Variants in ATP2A1 observed in about 807,000 individuals in gnomAD.
ATP2A1 encodes the protein sarcoplasmic/endoplasmic reticulum calcium ATPase 1.
ATP2A1 carries 83 observed loss-of-function variants against 109.5 expected under a neutral mutation model. That is an observed-to-expected ratio of 0.76 (90% CI 0.63 to 0.91). The LOEUF (loss-of-function observed/expected upper bound fraction) is 0.91. Ranked by LOEUF, ATP2A1 falls within the 40% of genes least tolerant of loss-of-function variation. The pLI is 0.00. For missense variants in ATP2A1, 1,101 were observed against 1,341.0 expected (o/e 0.82, Z 2.80); for synonymous variants, 505 against 537.6 (o/e 0.94, Z 0.84).
intron 12 of ATP2A1, among the ~76,000 whole-genome samples, chr16:28,895,671 A>C (rs1312885445): frequency 6.6e-6 from 1 of 151,296 alleles, no homozygotes; most frequent in Non-Finnish European, 1.5e-5. Context: ...TACAAAAAAA[A>C]ACGAAAACAA....
chr16:28,904,041 G>GA lies in ATP2A1; in HGVS notation c.*38-138dup. On this transcript the variant is annotated intron_variant, in intron 22 of 22. Coordinates refer to ENST00000395503, the MANE Select transcript of ATP2A1 (RefSeq NM_004320.6). ...AGTGGGGGGGGGCGGGGTGTCTGGG[G>GA]ACGCAGGTGAGTAGGGGAGAAACTG... 4 of 841,016 alleles carry GA rather than the reference G, an allele frequency of 4.8e-6. No individual in the cohort carries two copies. The Admixed American group carries it at 7.0e-5, about 15-fold the overall frequency. The allele number at this position is 841,016 out of a possible 1,614,324, so 52.1% of individuals were successfully genotyped here.
In ATP2A1 at chr16:28,880,064, G is replaced by A. The variant is rs1206231862; in HGVS notation, c.219+481G>A. On this transcript the variant is annotated intron_variant, in intron 3 of 22. Transcript: ENST00000395503. This position sits in a 1 kb window ranked among gnomAD's most constrained non-coding sequence, Gnocchi z 4.2. ...CCTAGTGGCGGGAAAGCGCGGCGGT[G>A]TGATGATGACTCCAAGGAGCCCGGC... is the stretch of plus-strand genomic sequence containing the variant. 1.0e-6 allele frequency: 1 copy of A among 1,004,748 alleles called. No individual in the cohort carries two copies. Among genetic ancestry groups the A allele is most frequent in the African/African-American group, 1.7e-5 (1 of 57,340 alleles). The allele number at this position is 1,004,748 out of a possible 1,614,324, so 62.2% of individuals were successfully genotyped here.
In ATP2A1 at chr16:28,888,219, G is replaced by A. The variant is rs575192895; in HGVS notation, c.928+497G>A. Among the ~76,000 whole-genome samples, 66 of 152,056 alleles carry A rather than the reference G, an allele frequency of 4.3e-4. No homozygotes were observed. The South Asian group carries it at 4.4e-3, about 10-fold the overall frequency. On this transcript the variant is annotated intron_variant, in intron 8 of 22. Coordinates refer to ENST00000395503, the MANE Select transcript of ATP2A1 (RefSeq NM_004320.6). ...GGCTAATTTTTGTGTTTTCAGTAGA[G>A]ATGGGGTTTCACCATGTTGGCCAGG...
chr16:28,886,992 C>CAA (rs559496019), intron 6 of ATP2A1, among the ~76,000 whole-genome samples, 197 bp from the exon 7 acceptor site: 104 of 74,358 alleles, frequency 1.4e-3, no homozygotes, highest in South Asian at 2.0e-3. Context: ...AACTCTGTCT[C>CAA]AAAAAAAAAA....
At position 28,885,028 on chromosome 16, in the gene ATP2A1, C is replaced by T. The variant is rs558105501; in HGVS notation, c.544+373C>T. Reference sequence around the variant, plus strand: ...CCGAGGTGGGTGGATCACCTGAGGTCAGGAGTTAGAGACCAGCCTGGCCAA... The same window carrying T: ...CCGAGGTGGGTGGATCACCTGAGGTTAGGAGTTAGAGACCAGCCTGGCCAA... On this transcript the variant is annotated intron_variant, in intron 6 of 22. Coordinates refer to ENST00000395503, the MANE Select transcript of ATP2A1 (RefSeq NM_004320.6). Among the ~76,000 whole-genome samples the T allele has an allele frequency of 3.6e-3, 542 of 152,176 alleles. 11 individuals carry two copies. Among genetic ancestry groups the T allele is most frequent in the Non-Finnish European group, 8.7e-4 (59 of 68,014 alleles).
intron 2 of ATP2A1, 23 bp downstream of exon 2, chr16:28,879,139 C>T (rs367969170): frequency 1.2e-6 from 2 of 1,613,658 alleles, no homozygotes; most frequent in African/African-American, 2.7e-5. Flanking sequence ...AATCCCTGAA[C>T]TCTCATAAAT....
In ATP2A1 at chr16:28,904,422, G is replaced by T. The variant is rs1180402817; in HGVS notation, c.*280G>T. Reference sequence around the variant, plus strand: ...GCTTGCAGGGACAAGGCGACCGACTGCGCTGAGCTGCTTATTTATTGAAAA... The same window carrying T: ...GCTTGCAGGGACAAGGCGACCGACTTCGCTGAGCTGCTTATTTATTGAAAA... On this transcript the variant is annotated 3_prime_UTR_variant, in exon 23 of 23. Transcript: ENST00000395503. 2.6e-6 allele frequency: 4 copies of T among 1,533,240 alleles called. No individual in the cohort carries two copies. Among genetic ancestry groups the T allele is most frequent in the East Asian group, 2.4e-5 (1 of 40,906 alleles). The allele number at this position is 1,533,240 out of a possible 1,614,324, so 95.0% of individuals were successfully genotyped here.
chr16:28,891,886 TAATAA>T (rs749145527), intron 9 of ATP2A1, among the ~76,000 whole-genome samples: 132 of 149,924 alleles, frequency 8.8e-4, no homozygotes, highest in Non-Finnish European at 1.8e-3. Flanking sequence ...AAAATAATAA[TAATAA>T]AATAAAACAA....
At chr16:28,889,586 CCT>C (rs1200073405) in intron 9 of ATP2A1, among the ~76,000 whole-genome samples, 1 of 152,078 alleles carries the variant, frequency 6.6e-6, no homozygotes, top group Non-Finnish European at 1.5e-5. Flanking sequence ...GAGGAAAAAG[CCT>C]CTGAGAGATT....
At chr16:28,879,813 C>A in intron 3 of ATP2A1, 1 of 650,210 alleles carries the variant, frequency 1.5e-6, no homozygotes, top group Middle Eastern at 4.3e-4. Flanking sequence ...GCCAAAACAC[C>A]GAAGCTAAGC....
chr16:28,894,232 A>G lies in ATP2A1; in HGVS notation c.1173A>G (p.Pro391=). The G allele has an allele frequency of 6.2e-7, 1 of 1,613,854 alleles. No individual in the cohort carries two copies. ...CCATCACCGGCTCCACTTACGCTCC[A>G]GAGGGAGAGGTGTAAGTCACCCAGG... ...EFSITGSTYA[P]EGEVLKNDKP... is the part of the protein sequence containing the mutation. The change falls in exon 10 of 23, where the codon CCA becomes CCG. Residue 391 remains proline, a synonymous_variant. Transcript: ENST00000395503.
In ATP2A1 at chr16:28,902,580, G is replaced by T. The variant is rs1567491984; in HGVS notation, c.2525G>T (p.Gly842Val). The T allele has an allele frequency of 5.6e-6, 9 of 1,614,014 alleles. No homozygotes were observed. Among genetic ancestry groups the T allele is most frequent in the Non-Finnish European group, 5.9e-6 (7 of 1,179,954 alleles). ...CCCGACTCCCCTCTCTCCACCACAG[G>T]CTATGTGGGTGCAGCCACCGTGGGA... is the stretch of plus-strand genomic sequence containing the variant. ...WLFFRYMAIG[G>V]YVGAATVGAA... The change falls in exon 18 of 23, where the codon GGC becomes GTC. Residue 842 changes from glycine to valine, a missense_variant and splice_region_variant. Gly to Val is a moderately radical substitution (Grantham distance 109). Coordinates refer to ENST00000395503, the MANE Select transcript of ATP2A1 (RefSeq NM_004320.6). The surrounding 1 kb of genome is among the most constrained non-coding windows in gnomAD (Gnocchi z 4.8).
intron 12 of ATP2A1, among the ~76,000 whole-genome samples, chr16:28,896,789 G>C (rs868688820): frequency 1.3e-5 from 2 of 150,090 alleles, no homozygotes; most frequent in Admixed American, 6.6e-5. Context: ...GTGATCCTGG[G>C]TTCAAGTGAT....
intron 15 of ATP2A1, among the ~76,000 whole-genome samples, chr16:28,901,214 T>C (rs1259180308): frequency 6.6e-6 from 1 of 151,248 alleles, no homozygotes; most frequent in East Asian, 1.9e-4. Flanking sequence ...CACATATTTG[T>C]GGTCCTAGCT....
chr16:28,887,532 G>C lies in ATP2A1; in HGVS notation c.738G>C (p.Lys246Asn). ...AAATGGCTGCCACAGAACAGGACAAGACCCCCTTGCAGCAGAAGCTGGATG... is the reference window on the plus strand; with the variant it reads ...AAATGGCTGCCACAGAACAGGACAACACCCCCTTGCAGCAGAAGCTGGATG... The part of the protein sequence containing the change: ...RDQMAATEQD[K>N]TPLQQKLDEF... Residue 246 changes from lysine to asparagine, a missense_variant, in exon 8 of 23, where the codon AAG becomes AAC. Coordinates refer to ENST00000395503, the MANE Select transcript of ATP2A1 (RefSeq NM_004320.6). The C allele has an allele frequency of 6.2e-7, 1 of 1,614,002 alleles. No individual in the cohort carries two copies. Among genetic ancestry groups the C allele is most frequent in the East Asian group, 2.2e-5 (1 of 44,850 alleles).
In ATP2A1 at chr16:28,888,803, C is replaced by T; in HGVS notation, c.945C>T (p.Ile315=). The part of the protein sequence containing the change: ...AAIPEGLPAV[I]TTCLALGTRR... ...TCCCCACAGGTCTTCCTGCAGTCAT[C>T]ACCACCTGCCTGGCCCTGGGTACCC... is the stretch of plus-strand genomic sequence containing the variant. The change falls in exon 9 of 23, where the codon ATC becomes ATT. Residue 315 remains isoleucine, a synonymous_variant. Transcript: ENST00000395503. 6.5e-7 allele frequency: 1 copy of T among 1,529,122 alleles called. No individual in the cohort carries two copies. The allele number at this position is 1,529,122 out of a possible 1,614,324, so 94.7% of individuals were successfully genotyped here. A position where few individuals can be genotyped will look rare whatever the true frequency, so the allele number is the denominator to read the frequency against.
chr16:28,904,333 T>G lies in ATP2A1; in HGVS notation c.*191T>G. 1 of 1,562,724 alleles carries G rather than the reference T, an allele frequency of 6.4e-7. No individual in the cohort carries two copies. The highest frequency in any genetic ancestry group is 8.6e-7 in the Non-Finnish European group (1 of 1,158,726). ...GTTTATAAACATGTCCCCTTCCCTTTCCTTCCCCCTCGGCCACCCGCCTCC... is the reference window on the plus strand; with the variant it reads ...GTTTATAAACATGTCCCCTTCCCTTGCCTTCCCCCTCGGCCACCCGCCTCC... On this transcript the variant is annotated 3_prime_UTR_variant, in exon 23 of 23. Transcript: ENST00000395503.
Position 28,883,895 on chromosome 16 carries a change from T to C in ATP2A1, c.464-680T>C, listed in dbSNP as rs1680251061. On this transcript the variant is annotated intron_variant, in intron 5 of 22. Transcript: ENST00000395503. This position sits in a 1 kb window ranked among gnomAD's most constrained non-coding sequence, Gnocchi z 5.2. ...AGATGCTCAGACCGGGCTGTCAGGTTCCCGATATGTGGTCCTCTCCATGAC... is the reference window on the plus strand; with the variant it reads ...AGATGCTCAGACCGGGCTGTCAGGTCCCCGATATGTGGTCCTCTCCATGAC... Among the ~76,000 whole-genome samples, 1 of 152,054 alleles carries C rather than the reference T, an allele frequency of 6.6e-6. No homozygotes were observed.
In ATP2A1 at chr16:28,880,897, C is replaced by T; in HGVS notation, c.220-18C>T. ...TGGGGCCTCATTACCTGTCATTCTC[C>T]TTTCCCCTGCTCCCCAGGTGCTGGC... On this transcript the variant is annotated intron_variant, in intron 3 of 22. Transcript: ENST00000395503. The surrounding 1 kb of genome is among the most constrained non-coding windows in gnomAD (Gnocchi z 4.2). 2.5e-6 allele frequency: 4 copies of T among 1,609,658 alleles called. No homozygotes were observed. Among genetic ancestry groups the T allele is most frequent in the Non-Finnish European group, 3.4e-6 (4 of 1,175,864 alleles).
Sources: gnomAD v4.1 joint callset for allele counts (sites outside exome capture counted in the v4.1 genomes callset) on GRCh38, gnomAD v4.1.1 for gene constraint, Gnocchi (gnomAD v3.1) non-coding constraint, MANE v1.5 for transcripts, NCBI Gene and HGNC (gene_info 2026-07-23, HGNC 2026-07-21) for gene names.